SET: variants seen among roughly 807,000 people sequenced by gnomAD.
The protein encoded by SET is SET nuclear proto-oncogene, also known as protein SET.
In SET, 4 loss-of-function variants were observed where a neutral mutation model predicts 39.0. That is an observed-to-expected ratio of 0.10 (90% CI 0.05 to 0.23). The LOEUF (loss-of-function observed/expected upper bound fraction) is 0.23, where lower values mean the gene tolerates loss of function less well. Ranked by LOEUF, SET falls within the 10% of genes least tolerant of loss-of-function variation. The pLI, the probability that SET is intolerant of heterozygous loss-of-function variation, is 1.00. For synonymous variants in SET, 114 were observed against 115.9 expected (o/e 0.98, Z 0.11); for missense variants, 137 against 329.7 (o/e 0.42, Z 4.53).
chr9:128,689,229 C>T lies in SET; in HGVS notation c.-354C>T, dbSNP rs1351580597. ...CCTGCGCCCTGCGCCCGCCCCTCGC[C>T]GTAGGAGGAGGTGGAGGAGGAGGCG... On this transcript the variant is annotated 5_prime_UTR_variant, in exon 1 of 8. Coordinates refer to ENST00000322030, the MANE Select transcript of SET (RefSeq NM_003011.4). 1 of 997,272 alleles carries T rather than the reference C, an allele frequency of 1.0e-6. No individual in the cohort carries two copies. The highest frequency in any genetic ancestry group is 1.2e-6 in the Non-Finnish European group (1 of 837,200). 61.8% of individuals were successfully genotyped at this position (997,272 alleles called of 1,614,324 possible).
Position 128,695,617 on chromosome 9 carries a change from T to C in SET, c.*953T>C, listed in dbSNP as rs1861707491. ...TGTATAACATCACTGTCAAACTTTG[T>C]CACCCTAACTTCGTATTTTTTGATA... On this transcript the variant is annotated 3_prime_UTR_variant, in exon 8 of 8. Transcript: ENST00000322030. The C allele has an allele frequency of 4.4e-6, 1 of 224,914 alleles. No individual in the cohort carries two copies. The highest frequency in any genetic ancestry group is 2.2e-5 in the African/African-American group (1 of 45,024). 13.9% of individuals were successfully genotyped at this position (224,914 alleles called of 1,614,324 possible).
chr9:128,688,426 C>A (rs1861362653), upstream of SET, among the ~76,000 whole-genome samples: 1 of 152,158 alleles, frequency 6.6e-6, no homozygotes, highest in Non-Finnish European at 1.5e-5. Flanking sequence ...CCGCCTATCG[C>A]TTGGGGCTGT....
rs140324291 is a variant in SET, at chr9:128,693,880, CTTTT to C, written c.664-7_664-4del. 11 of 1,288,838 alleles carry C rather than the reference CTTTT, an allele frequency of 8.5e-6. No homozygotes were observed. In the Admixed American group the frequency reaches 1.7e-4, roughly 20 times the overall value. 79.8% of individuals were successfully genotyped at this position (1,288,838 alleles called of 1,614,324 possible). On this transcript the variant is annotated splice_polypyrimidine_tract_variant and intron_variant, in intron 6 of 7. Coordinates refer to ENST00000322030, the MANE Select transcript of SET (RefSeq NM_003011.4). Reference sequence around the variant, plus strand: ...TTTAAAAATGAGTCCTTATATTGTGCTTTTTTTTTTTTAAGGTTCCCGATATGGA... The same window carrying C: ...TTTAAAAATGAGTCCTTATATTGTGCTTTTTTTTAAGGTTCCCGATATGGA...
intron 1 of SET, 40 bp downstream of exon 1, chr9:128,689,695 C>T: frequency 1.6e-6 from 1 of 617,974 alleles, no homozygotes; most frequent in Non-Finnish European, 2.1e-6. Context: ...GCGCCGCCAT[C>T]TTCGCCGCCC....
intron 2 of SET, 23 bp downstream of exon 2, chr9:128,691,250 T>G: frequency 6.7e-7 from 1 of 1,500,844 alleles, no homozygotes; most frequent in Non-Finnish European, 9.2e-7. Flanking sequence ...TTAATATACT[T>G]CGGAGAAATT....
intron 1 of SET, chr9:128,690,047 G>T: frequency 1.0e-6 from 1 of 978,466 alleles, no homozygotes; most frequent in Non-Finnish European, 1.2e-6. Context: ...ACGCGGCCCC[G>T]CGCCCGACCT....
chr9:128,688,977 G>A (rs1861383740), upstream of SET, among the ~76,000 whole-genome samples: 1 of 151,536 alleles, frequency 6.6e-6, no homozygotes, highest in African/African-American at 2.4e-5. Flanking sequence ...CCCGCCCACC[G>A]GCCTGCCGCG....
intron 3 of SET, chr9:128,692,415 A>AG: frequency 3.8e-6 from 1 of 259,940 alleles, no homozygotes; most frequent in Admixed American, 5.1e-5. Context: ...AAAAAAAAAA[A>AG]AAAAAAACCT....
upstream of SET, among the ~76,000 whole-genome samples, chr9:128,687,221 T>C (rs1364445301): frequency 6.6e-6 from 1 of 151,642 alleles, no homozygotes; most frequent in Non-Finnish European, 1.5e-5. Context: ...TAGCTTGGCA[T>C]GGTAGTGGGC....
At chr9:128,685,171 G>A, upstream of SET, 2 of 1,595,892 alleles carry the variant, frequency 1.3e-6, no homozygotes, top group Non-Finnish European at 1.7e-6. Context: ...CCTCCACATG[G>A]GATGCAGAGA....
In SET at chr9:128,689,534, T is replaced by G; in HGVS notation, c.-49T>G. 8.7e-6 allele frequency: 8 copies of G among 921,402 alleles called. No individual in the cohort carries two copies. The highest frequency in any genetic ancestry group is 4.3e-5 in the South Asian group (2 of 46,266). The allele number at this position is 921,402 out of a possible 1,614,324, so 57.1% of individuals were successfully genotyped here. A position where few individuals can be genotyped will look rare whatever the true frequency, so the allele number is the denominator to read the frequency against. The stretch of plus-strand genomic sequence containing the variant: ...AAGCCGCTTGCCCGCCCCCTTCGCC[T>G]TCCCTTCTCTCCCCCTCCCCGCTCC... On this transcript the variant is annotated 5_prime_UTR_variant, in exon 1 of 8. Transcript: ENST00000322030.
At chr9:128,691,775 A>T in intron 2 of SET, 83 bp from the exon 3 acceptor site, 3 of 1,328,926 alleles carry the variant, frequency 2.3e-6, no homozygotes, top group Non-Finnish European at 3.1e-6. Context: ...TCAAGCTAGT[A>T]AGTAAATACA....
chr9:128,693,970 A>C lies in SET; in HGVS notation c.738A>C (p.Glu246Asp). 6.4e-7 allele frequency: 1 copy of C among 1,552,680 alleles called. No homozygotes were observed. The change falls in exon 7 of 8, where the codon GAA becomes GAC. Residue 246 changes from glutamate (E) to aspartate (D), a missense_variant. Physicochemically the swap from Glu to Asp is conservative, Grantham distance 45. Transcript: ENST00000322030. Reference sequence around the variant, plus strand: ...ATGATGAAGAGGAGGAAGGATTAGAAGATATTGACGAAGAAGGGGATGAGG... The same window carrying C: ...ATGATGAAGAGGAGGAAGGATTAGACGATATTGACGAAGAAGGGGATGAGG... ...DDDDEEEEGL[E>D]DIDEEGDEDE... is the part of the protein sequence containing the mutation.
At position 128,689,651 on chromosome 9, in the gene SET, C is replaced by T. The variant is rs1395089157; in HGVS notation, c.69C>T (p.Thr23=). The change falls in exon 1 of 8, where the codon ACC becomes ACT. Residue 23 remains threonine, a synonymous_variant. Transcript: ENST00000322030. ...CCAACCACGACGGGGCCGACGAGAC[C>T]TCAGGTGAGAGCAGCGAGCCCGGGG... ...LNSNHDGADE[T]SEKEQQEAIE... The T allele has an allele frequency of 3.2e-6, 4 of 1,260,994 alleles. No homozygotes were observed. The highest frequency in any genetic ancestry group is 2.6e-5 in the Admixed American group (1 of 38,956). The allele number at this position is 1,260,994 out of a possible 1,614,324, so 78.1% of individuals were successfully genotyped here. A position where few individuals can be genotyped will look rare whatever the true frequency, so the allele number is the denominator to read the frequency against.
chr9:128,686,043 A>T (rs1861275385), upstream of SET, among the ~76,000 whole-genome samples: 1 of 151,370 alleles, frequency 6.6e-6, no homozygotes, highest in South Asian at 2.1e-4. Flanking sequence ...AAAAAAAACA[A>T]CCAGAGGGGC....
chr9:128,683,838 G>T, exon 1 of SET: 1 of 1,435,778 alleles, frequency 7.0e-7, no homozygotes, highest in Non-Finnish European at 9.5e-7. Flanking sequence ...TCAGTGTTCA[G>T]CCTGCTTCCG....
chr9:128,689,211 C>T (rs921952368), upstream of SET: 16 of 988,036 alleles, frequency 1.6e-5, no homozygotes, highest in African/African-American at 2.3e-4. Flanking sequence ...GCGCCTGCGC[C>T]CTGCGCCCGC....
rs903791199 is a variant in SET, at chr9:128,696,102, G to C, written c.*1438G>C. 5 of 222,026 alleles carry C rather than the reference G, an allele frequency of 2.3e-5. No individual in the cohort carries two copies. Among genetic ancestry groups the C allele is most frequent in the African/African-American group, 8.9e-5 (4 of 44,890 alleles). The allele number at this position is 222,026 out of a possible 1,614,324, so 13.8% of individuals were successfully genotyped here. A position where few individuals can be genotyped will look rare whatever the true frequency, so the allele number is the denominator to read the frequency against. On this transcript the variant is annotated 3_prime_UTR_variant, in exon 8 of 8. Transcript: ENST00000322030. ...ATGGACTCAGCTCTGTCTGCTCAAT[G>C]CCATTGTGCAGAGAAGCACCCTAAT... is the stretch of plus-strand genomic sequence containing the variant.
At chr9:128,687,551 T>C (rs1861326864), upstream of SET, among the ~76,000 whole-genome samples, 1 of 143,806 alleles carries the variant, frequency 7.0e-6, no homozygotes, top group South Asian at 2.1e-4. Flanking sequence ...GAGGTTGCAG[T>C]GAGCTGAGAT....
Sources: gnomAD v4.1 joint callset for allele counts (sites outside exome capture counted in the v4.1 genomes callset) on GRCh38, gnomAD v4.1.1 for gene constraint, MANE v1.5 for transcripts, NCBI Gene and HGNC (gene_info 2026-07-23, HGNC 2026-07-21) for gene names.